KDM4C: variants seen among roughly 807,000 people sequenced by gnomAD.
KDM4C encodes lysine-specific demethylase 4C.
KDM4C carries 81 observed loss-of-function variants against 129.3 expected under a neutral mutation model. The observed-to-expected ratio is 0.63, with a 90% CI of 0.52 to 0.75. KDM4C has a LOEUF of 0.75. Ranked by LOEUF, KDM4C falls within the 30% of genes least tolerant of loss-of-function variation. The pLI is 0.00. For missense variants in KDM4C, 1,457 were observed against 1,304.0 expected, an observed-to-expected ratio of 1.12 and a Z score of -1.81; for synonymous variants, 573 against 456.1, an observed-to-expected ratio of 1.26 and a Z score of -3.26.
chr9:6,907,544 A>G (rs1818539227), intron 8 of KDM4C, among the ~76,000 whole-genome samples: 1 of 152,220 alleles, frequency 6.6e-6, no homozygotes, highest in East Asian at 1.9e-4. Context: ...CAGAATATTT[A>G]ACTTGTAGCC....
intron 4 of KDM4C, among the ~76,000 whole-genome samples, chr9:6,821,549 C>G (rs1466676150): frequency 6.6e-6 from 1 of 152,092 alleles, no homozygotes; most frequent in Non-Finnish European, 1.5e-5. Context: ...ATATCCTTTG[C>G]CCACTTTTTG....
At chr9:7,089,566 A>T (rs1835546758) in intron 17 of KDM4C, among the ~76,000 whole-genome samples, 1 of 152,254 alleles carries the variant, frequency 6.6e-6, no homozygotes, top group Non-Finnish European at 1.5e-5. Flanking sequence ...CAGCCTGCTC[A>T]CATGACACAA....
intron 1 of KDM4C, among the ~76,000 whole-genome samples, chr9:6,767,310 T>G (rs1336620000): frequency 6.6e-6 from 1 of 151,250 alleles, no homozygotes; most frequent in African/African-American, 2.4e-5. Context: ...CCGGCTAATT[T>G]TTTTGTGTTT....
intron 17 of KDM4C, among the ~76,000 whole-genome samples, chr9:7,086,344 A>G (rs535975170): frequency 3.9e-5 from 6 of 152,312 alleles, no homozygotes; most frequent in South Asian, 2.1e-4. Context: ...TGATTGCCGC[A>G]ACACCAGCAT....
chr9:6,882,873 TGGA>T (rs1180012275), intron 6 of KDM4C, among the ~76,000 whole-genome samples: 3 of 152,026 alleles, frequency 2.0e-5, no homozygotes, highest in African/African-American at 7.2e-5. Flanking sequence ...TTTAATCCTG[TGGA>T]GTAAGAGGTC....
intron 1 of KDM4C, among the ~76,000 whole-genome samples, chr9:6,751,511 T>C (rs1818063674): frequency 6.6e-6 from 1 of 152,118 alleles, no homozygotes; most frequent in Admixed American, 6.6e-5. Context: ...GATCTCTTGA[T>C]GGAAGGAAGG....
chr9:6,738,586 C>A (rs910245964), intron 1 of KDM4C, among the ~76,000 whole-genome samples: 3 of 152,100 alleles, frequency 2.0e-5, no homozygotes, highest in Non-Finnish European at 2.9e-5. Flanking sequence ...CAGGTGGGCA[C>A]CACCACGCCC....
intron 12 of KDM4C, among the ~76,000 whole-genome samples, chr9:7,011,343 T>C (rs1822650386): frequency 6.6e-6 from 1 of 152,172 alleles, no homozygotes; most frequent in Non-Finnish European, 1.5e-5. Flanking sequence ...TAGAAGATAA[T>C]CTCATACACA....
At chr9:6,734,706 A>C in intron 1 of KDM4C, 1 of 309,746 alleles carries the variant, frequency 3.2e-6, no homozygotes, top group South Asian at 3.0e-5. Context: ...TGGCTTCCTG[A>C]GTCAAAATAG....
intron 1 of KDM4C, among the ~76,000 whole-genome samples, chr9:6,759,609 C>T (rs1462873545): frequency 6.6e-6 from 1 of 151,990 alleles, no homozygotes; most frequent in Non-Finnish European, 1.5e-5. Flanking sequence ...CAATTTAAAC[C>T]GAAGACTTAT....
chr9:6,739,633 ATTT>A (rs34006315), intron 1 of KDM4C, among the ~76,000 whole-genome samples: 7 of 138,974 alleles, frequency 5.0e-5, no homozygotes, highest in African/African-American at 1.1e-4. Flanking sequence ...TGCAGGGTAG[ATTT>A]TTTTTTTTTT....
intron 12 of KDM4C, among the ~76,000 whole-genome samples, chr9:7,010,814 T>G (rs560211892): frequency 1.3e-5 from 2 of 152,186 alleles, no homozygotes; most frequent in Admixed American, 1.3e-4. Context: ...GAGGCTGAGG[T>G]GGGTGGATCA....
chr9:6,966,999 C>T (rs570270489), intron 8 of KDM4C, among the ~76,000 whole-genome samples: 2 of 152,238 alleles, frequency 1.3e-5, no homozygotes, highest in African/African-American at 4.8e-5. Flanking sequence ...ATTGAATTAG[C>T]AAGACCCAGA....
At position 7,103,840 on chromosome 9, in the gene KDM4C, A is replaced by C; in HGVS notation, c.2580A>C (p.Thr860=). 3 of 1,613,966 alleles carry C rather than the reference A, an allele frequency of 1.9e-6. No individual in the cohort carries two copies. Among genetic ancestry groups the C allele is most frequent in the Non-Finnish European group, 2.5e-6 (3 of 1,179,922 alleles). ...ACTGGCCTTATGTGGTGAACATTACATGCTTTCGACATAAGGTCAACCCCA... is the reference window on the plus strand; with the variant it reads ...ACTGGCCTTATGTGGTGAACATTACCTGCTTTCGACATAAGGTCAACCCCA... ...PDDWPYVVNI[T]CFRHKVNPNV... Residue 860 remains threonine, a synonymous_variant, in exon 18 of 22, where the codon ACA becomes ACC. Coordinates refer to ENST00000381309, the MANE Select transcript of KDM4C (RefSeq NM_015061.6).
intron 15 of KDM4C, among the ~76,000 whole-genome samples, chr9:7,019,751 T>TA (rs1563993304): frequency 9.0e-6 from 1 of 111,326 alleles, no homozygotes; most frequent in African/African-American, 3.8e-5. Flanking sequence ...TATAATATTT[T>TA]TATATATAAA....
intron 19 of KDM4C, among the ~76,000 whole-genome samples, chr9:7,162,850 G>A (rs1843947098): frequency 6.6e-6 from 1 of 152,002 alleles, no homozygotes; most frequent in Admixed American, 6.6e-5. Flanking sequence ...GCCTCTGTTG[G>A]GATTCGAGAA....
At chr9:6,762,826 T>C (rs1819829019) in intron 1 of KDM4C, among the ~76,000 whole-genome samples, 1 of 151,774 alleles carries the variant, frequency 6.6e-6, no homozygotes, top group Non-Finnish European at 1.5e-5. Context: ...GCCCAGCTAA[T>C]TTTTGTATTT....
rs1419561325 is a variant in KDM4C at position 6,720,971 on chromosome 9, G to C, written c.23G>C (p.Trp8Ser). The C allele has an allele frequency of 2.3e-5, 36 of 1,551,518 alleles. No individual in the cohort carries two copies. In the East Asian group the frequency reaches 8.8e-4, roughly 38 times the overall value. ...TTGATGAAGCACTATGGGCTGCCCT[G>C]GAAGAGGACTGAAGAAGCAGCTGCA... Residue 8 changes from tryptophan (W) to serine (S), a missense_variant, in exon 1 of 18, where the codon TGG becomes TCG. Trp to Ser is a radical substitution (Grantham distance 177, BLOSUM62 -3). Transcript: ENST00000536108.
intron 4 of KDM4C, among the ~76,000 whole-genome samples, chr9:6,824,710 A>T (rs1323716187): frequency 1.3e-5 from 2 of 152,134 alleles, no homozygotes; most frequent in African/African-American, 2.4e-5. Flanking sequence ...ATATATCAAC[A>T]TACATTATTT....
Sources: allele counts gnomAD v4.1 joint callset (sites outside exome capture counted in the v4.1 genomes callset), GRCh38; gene constraint gnomAD v4.1.1; transcripts MANE v1.5; gene names NCBI Gene and HGNC (gene_info 2026-07-23, HGNC 2026-07-21).